ZPBP: variants seen among roughly 807,000 people sequenced by gnomAD.
ZPBP encodes zona pellucida-binding protein 1.
Under a neutral mutation model 44.8 loss-of-function variants are expected in ZPBP, and 26 were observed. The ratio of observed to expected loss-of-function variants is 0.58; its 90% CI spans 0.43 to 0.81. The LOEUF is 0.81. Among genes scored for constraint, ZPBP ranks in the 30% least tolerant of loss-of-function variants. The pLI is 0.00. For missense variants in ZPBP, 409 were observed against 434.0 expected (o/e 0.94, Z 0.51); for synonymous variants, 174 against 153.2 (o/e 1.14, Z -1.00).
intron 5 of ZPBP, among the ~76,000 whole-genome samples, chr7:50,021,166 A>G (rs1221116459): frequency 6.6e-6 from 1 of 152,116 alleles, no homozygotes; most frequent in East Asian, 1.9e-4. Flanking sequence ...AACAAAATAT[A>G]ATAGAAACTG....
At chr7:49,911,921 A>ACG (rs1417570229) in intron 1 of ZPBP, 5 of 743,152 alleles carry the variant, frequency 6.7e-6, no homozygotes, top group Admixed American at 9.1e-5. Flanking sequence ...AAACAAATAC[A>ACG]CGCACACACA....
intron 7 of ZPBP, among the ~76,000 whole-genome samples, chr7:49,972,651 C>T (rs1229096633): frequency 6.6e-6 from 1 of 151,966 alleles, no homozygotes; most frequent in Non-Finnish European, 1.5e-5. Flanking sequence ...GATGGCAATA[C>T]TACCCAAAGC....
At chr7:50,000,281 CAAG>C (rs1379397228) in intron 6 of ZPBP, among the ~76,000 whole-genome samples, 1 of 151,988 alleles carries the variant, frequency 6.6e-6, no homozygotes, top group Non-Finnish European at 1.5e-5. Flanking sequence ...TTCTCATTCC[CAAG>C]GAAATAGACG....
In ZPBP at chr7:49,900,805, C is replaced by T. The variant is rs577628162; in HGVS notation, n.509+313G>A. Among the ~76,000 whole-genome samples the T allele has an allele frequency of 8.6e-5, 13 of 151,784 alleles. No individual in the cohort carries two copies. In the East Asian group the frequency reaches 1.4e-3, roughly 16 times the overall value. On this transcript the variant is annotated intron_variant and non_coding_transcript_variant, in intron 2 of 2. Transcript: ENST00000465922. ...ATTACCAAACCAGACATAGACACTACAAGAAAGGAAAACTAAAGACTAATA... is the reference window on the plus strand; with the variant it reads ...ATTACCAAACCAGACATAGACACTATAAGAAAGGAAAACTAAAGACTAATA...
At chr7:50,057,798 T>C (rs1245320820) in intron 4 of ZPBP, among the ~76,000 whole-genome samples, 191 bp downstream of exon 4, 1 of 152,206 alleles carries the variant, frequency 6.6e-6, no homozygotes, top group Non-Finnish European at 1.5e-5. Context: ...AAAAAAAGAC[T>C]ACGATCTGTT....
At chr7:50,032,361 G>C (rs948413838) in intron 4 of ZPBP, among the ~76,000 whole-genome samples, 2 of 152,122 alleles carry the variant, frequency 1.3e-5, no homozygotes, top group Admixed American at 1.3e-4. Context: ...AACTATAGTT[G>C]AGTCACAGTA....
intron 3 of ZPBP, among the ~76,000 whole-genome samples, chr7:50,065,721 C>A (rs1179310101): frequency 1.3e-5 from 2 of 150,812 alleles, no homozygotes; most frequent in Non-Finnish European, 3.0e-5. Context: ...GCTAGTTGAG[C>A]AAATATCGTT....
intron 7 of ZPBP, among the ~76,000 whole-genome samples, chr7:49,970,089 G>A (rs757794170): frequency 6.6e-6 from 1 of 152,066 alleles, no homozygotes; most frequent in Non-Finnish European, 1.5e-5. Flanking sequence ...TCGAACTCCC[G>A]ACCTCAAGTG....
rs148352399 is a variant in ZPBP, at chr7:49,961,770, G to C, written c.961+21572C>G. 5.7e-4 allele frequency among the ~76,000 whole-genome samples: 87 copies of C among 152,166 alleles called. No individual in the cohort carries two copies. In the East Asian group the frequency reaches 0.016, roughly 28 times the overall value. On this transcript the variant is annotated intron_variant, in intron 7 of 7. Coordinates refer to ENST00000046087, the MANE Select transcript of ZPBP (RefSeq NM_007009.3). ...AATCTATGATAATGGATATAACTGA[G>C]GAGAGAGAGAAGACAATGAAATTGT...
At chr7:49,904,224 G>A (rs1792953775) in intron 1 of ZPBP, among the ~76,000 whole-genome samples, 1 of 151,974 alleles carries the variant, frequency 6.6e-6, no homozygotes, top group Non-Finnish European at 1.5e-5. Context: ...ATGATTTGAG[G>A]CTGCTTTTCA....
intron 6 of ZPBP, among the ~76,000 whole-genome samples, chr7:49,985,788 C>G (rs2128783849): frequency 6.6e-6 from 1 of 152,294 alleles, no homozygotes; most frequent in East Asian, 1.9e-4. Context: ...GATGTGGGAA[C>G]CTGCCAAGGG....
chr7:50,067,394 A>G (rs980460895), intron 3 of ZPBP, among the ~76,000 whole-genome samples: 9 of 152,110 alleles, frequency 5.9e-5, no homozygotes, highest in African/African-American at 1.9e-4. Context: ...CAGCAGAAGC[A>G]TATTTGGAAT....
intron 6 of ZPBP, among the ~76,000 whole-genome samples, chr7:49,997,392 C>G (rs1797894979): frequency 6.6e-6 from 1 of 152,156 alleles, no homozygotes; most frequent in African/African-American, 2.4e-5. Flanking sequence ...ATCTAATACC[C>G]CATAGCTCTA....
intron 7 of ZPBP, among the ~76,000 whole-genome samples, chr7:49,944,681 T>A (rs1437754809): frequency 6.6e-6 from 1 of 152,184 alleles, no homozygotes; most frequent in African/African-American, 2.4e-5. Flanking sequence ...AAGCCTCTAA[T>A]GATCCTTTGA....
the ZPBP span, among the ~76,000 whole-genome samples, chr7:49,843,946 A>C: frequency 1.7e-4 from 26 of 152,344 alleles, no homozygotes; most frequent in African/African-American, 5.8e-4. Flanking sequence ...GGTGACAGTT[A>C]GGACTCATTC....
At chr7:49,875,523 C>G (rs1791382206) in intron 2 of ZPBP, among the ~76,000 whole-genome samples, 1 of 151,528 alleles carries the variant, frequency 6.6e-6, no homozygotes, top group Non-Finnish European at 1.5e-5. Flanking sequence ...AGCCAGTGTC[C>G]TTGGTGTGTG....
At chr7:50,023,233 G>A (rs1799172577) in intron 5 of ZPBP, among the ~76,000 whole-genome samples, 1 of 152,058 alleles carries the variant, frequency 6.6e-6, no homozygotes, top group African/African-American at 2.4e-5. Flanking sequence ...AAGCACTTGT[G>A]AAGGTCTCAG....
intron 7 of ZPBP, among the ~76,000 whole-genome samples, chr7:49,982,163 T>C (rs1475827551): frequency 3.8e-5 from 1 of 26,484 alleles, no homozygotes; most frequent in African/African-American, 1.8e-4. Context: ...ATATATAATA[T>C]ATATTATATA....
At chr7:50,086,099 CCTAA>C (rs1352919093) in intron 2 of ZPBP, among the ~76,000 whole-genome samples, 1 of 151,984 alleles carries the variant, frequency 6.6e-6, no homozygotes, top group Non-Finnish European at 1.5e-5. Context: ...CAATCATTAG[CCTAA>C]CTAAGCTAAT....
Sources: gnomAD v4.1 joint callset for allele counts (sites outside exome capture counted in the v4.1 genomes callset) on GRCh38, gnomAD v4.1.1 for gene constraint, MANE v1.5 for transcripts, NCBI Gene and HGNC (gene_info 2026-07-23, HGNC 2026-07-21) for gene names.